Variants in ZMYND11 observed in about 807,000 individuals in gnomAD.
The protein encoded by ZMYND11 is zinc finger MYND-type containing 11, also known as zinc finger MYND domain-containing protein 11.
A neutral mutation model predicts 84.9 loss-of-function variants in ZMYND11; 9 were observed. The observed-to-expected ratio is 0.11, with a 90% CI of 0.06 to 0.18. The LOEUF (loss-of-function observed/expected upper bound fraction) is 0.18. Among genes scored for constraint, ZMYND11 ranks in the 10% least tolerant of loss-of-function variants. The pLI is 1.00. For synonymous variants in ZMYND11, 250 were observed against 244.1 expected, an observed-to-expected ratio of 1.02 and a Z score of -0.23; for missense variants, 409 against 761.0, an observed-to-expected ratio of 0.54 and a Z score of 5.44.
chr10:150,626 G>GGCCT lies in ZMYND11; in HGVS notation c.-20+15076_-20+15079dup, dbSNP rs537139010. On this transcript the variant is annotated intron_variant, in intron 1 of 14. Transcript: ENST00000381604. ...GGTGGAGCCCACTGCAGCTCAAGGAGGCCTGCCTGCCTCTGTAGACCACCT... is the reference window on the plus strand; with the variant it reads ...GGTGGAGCCCACTGCAGCTCAAGGAGGCCTGCCTGCCTGCCTCTGTAGACCACCT... 4.8e-3 allele frequency among the ~76,000 whole-genome samples: 737 copies of GGCCT among 152,320 alleles called. 4 individuals are homozygous for GGCCT. The highest frequency in any genetic ancestry group is 0.017 in the African/African-American group (695 of 41,572).
upstream of ZMYND11, among the ~76,000 whole-genome samples, chr10:131,417 G>A (rs1466120973): frequency 6.6e-6 from 1 of 152,194 alleles, no homozygotes; most frequent in Non-Finnish European, 1.5e-5. Flanking sequence ...ACAGGCACTG[G>A]AACTAGGCCT....
At chr10:231,853 G>A (rs1191251984) in intron 4 of ZMYND11, among the ~76,000 whole-genome samples, 5 of 152,130 alleles carry the variant, frequency 3.3e-5, no homozygotes, top group South Asian at 2.1e-4. Context: ...TCAGACATGC[G>A]ATTACCGTCA....
chr10:212,729 A>G (rs954915788), intron 3 of ZMYND11, among the ~76,000 whole-genome samples: 3 of 152,130 alleles, frequency 2.0e-5, no homozygotes, highest in African/African-American at 7.2e-5. Flanking sequence ...TGACCAATGA[A>G]TAAATATGCT....
chr10:233,049 C>G (rs893265773), intron 4 of ZMYND11, among the ~76,000 whole-genome samples: 2 of 152,170 alleles, frequency 1.3e-5, no homozygotes, highest in Non-Finnish European at 2.9e-5. Flanking sequence ...TGCGCTTGTC[C>G]GTGTTTACAT....
At chr10:190,266 GT>G (rs1409491595) in intron 2 of ZMYND11, among the ~76,000 whole-genome samples, 1 of 152,124 alleles carries the variant, frequency 6.6e-6, no homozygotes, top group Non-Finnish European at 1.5e-5. Flanking sequence ...CATCGTTGGT[GT>G]TAGAGATGCT....
Position 252,031 on chromosome 10 carries a change from C to A in ZMYND11, c.1687-317C>A, listed in dbSNP as rs1033303274. On this transcript the variant is annotated intron_variant, in intron 14 of 14. Coordinates refer to ENST00000381604, the MANE Select transcript of ZMYND11 (RefSeq NM_001370100.5). The surrounding 1 kb of genome is among the most constrained non-coding windows in gnomAD (Gnocchi z 4.6). ...GGAGCTTGTGGGGAGCAGAGAAATG[C>A]AAGTGGTAGCTGGAAAGGGATGTGA... is the stretch of plus-strand genomic sequence containing the variant. Among the ~76,000 whole-genome samples, 1 of 152,058 alleles carries A rather than the reference C, an allele frequency of 6.6e-6. No individual in the cohort carries two copies. The highest frequency in any genetic ancestry group is 2.4e-5 in the African/African-American group (1 of 41,378).
At chr10:171,960 T>G (rs1314576529) in intron 1 of ZMYND11, among the ~76,000 whole-genome samples, 1 of 152,250 alleles carries the variant, frequency 6.6e-6, no homozygotes, top group African/African-American at 2.4e-5. Flanking sequence ...CTCACAGTTC[T>G]GCATGCTGGG....
chr10:152,288 G>C (rs923007397), intron 1 of ZMYND11, among the ~76,000 whole-genome samples: 1 of 152,060 alleles, frequency 6.6e-6, no homozygotes, highest in African/African-American at 2.4e-5. Context: ...ATAAAGAGTC[G>C]AGACCCATCA....
intron 3 of ZMYND11, among the ~76,000 whole-genome samples, chr10:216,656 A>G (rs1237437156): frequency 2.6e-5 from 4 of 152,196 alleles, no homozygotes; most frequent in Non-Finnish European, 5.9e-5. Context: ...GAAATCATTT[A>G]TACTGTGGTT....
At chr10:134,616 C>A (rs948615019), upstream of ZMYND11, 1 of 152,226 alleles carries the variant, frequency 6.6e-6, no homozygotes, top group Non-Finnish European at 1.5e-5. Context: ...TTCAGACTAC[C>A]TAAACAATGT....
intron 1 of ZMYND11, among the ~76,000 whole-genome samples, chr10:167,808 T>G (rs12570425): frequency 0.018 from 2,699 of 152,276 alleles, 46 homozygotes; most frequent in East Asian, 0.042. Context: ...TTTTAAAGTT[T>G]TTTTTAATGT....
chr10:190,140 C>G (rs932619099), intron 2 of ZMYND11, among the ~76,000 whole-genome samples: 1 of 151,882 alleles, frequency 6.6e-6, no homozygotes, highest in Non-Finnish European at 1.5e-5. Context: ...TTTTTTCCAC[C>G]GCAGCTGGAT....
intron 4 of ZMYND11, among the ~76,000 whole-genome samples, chr10:221,951 T>C (rs1947206271): frequency 6.6e-6 from 1 of 152,192 alleles, no homozygotes; most frequent in Non-Finnish European, 1.5e-5. Flanking sequence ...TTTTATTCAT[T>C]GATCCCACTG....
intron 6 of ZMYND11, 21 bp downstream of exon 6, chr10:237,698 T>G (rs1950211725): frequency 6.4e-7 from 1 of 1,571,170 alleles, no homozygotes; most frequent in Non-Finnish European, 8.7e-7. Context: ...TTTCTTTTAT[T>G]TCCACTTCAA....
At chr10:132,922 A>G (rs1835351241), upstream of ZMYND11, among the ~76,000 whole-genome samples, 1 of 152,192 alleles carries the variant, frequency 6.6e-6, no homozygotes, top group Non-Finnish European at 1.5e-5. Context: ...TCAAGAAGTA[A>G]AAATCTGTCT....
chr10:215,855 C>T (rs2496277), intron 3 of ZMYND11, among the ~76,000 whole-genome samples: 141,343 of 152,244 alleles, frequency 0.93, 65,968 homozygotes, highest in Non-Finnish European at 0.98. Flanking sequence ...ACCATGCCTA[C>T]ACCTTTTTAA....
At chr10:205,979 G>T (rs562428160) in intron 2 of ZMYND11, among the ~76,000 whole-genome samples, 2 of 148,034 alleles carry the variant, frequency 1.4e-5, no homozygotes, top group Admixed American at 6.7e-5. Context: ...TGTTTTTTTG[G>T]TGTCAGGATA....
intron 14 of ZMYND11, chr10:249,700 G>A: frequency 1.0e-6 from 1 of 985,386 alleles, no homozygotes. Flanking sequence ...AGCCGCCACA[G>A]TGCTCAGTGA....
intron 1 of ZMYND11, among the ~76,000 whole-genome samples, chr10:152,997 C>G (rs1840782054): frequency 6.6e-6 from 1 of 152,108 alleles, no homozygotes; most frequent in Admixed American, 6.6e-5. Context: ...GAAGTAAATT[C>G]ATTCCTTTAT....
Sources: gnomAD v4.1 joint callset for allele counts (sites outside exome capture counted in the v4.1 genomes callset) on GRCh38, gnomAD v4.1.1 for gene constraint, Gnocchi (gnomAD v3.1) non-coding constraint, MANE v1.5 for transcripts, NCBI Gene and HGNC (gene_info 2026-07-23, HGNC 2026-07-21) for gene names.